Variants in PRDM1 observed in about 807,000 individuals in gnomAD.
PRDM1 encodes PR/SET domain 1, also known as PR domain zinc finger protein 1.
Under a neutral mutation model 62.8 loss-of-function variants are expected in PRDM1, and 13 were observed. That is an observed-to-expected ratio of 0.21 (90% CI 0.13 to 0.33). PRDM1 has a LOEUF of 0.33. PRDM1 is among the 10% of genes least tolerant of loss of function. The probability of loss-of-function intolerance (pLI) is 1.00; values close to 1 mark genes in which losing one functional copy is unlikely to be tolerated. For synonymous variants in PRDM1, 396 were observed against 417.6 expected (o/e 0.95, Z 0.63); for missense variants, 895 against 1,058.8 (o/e 0.85, Z 2.15).
upstream of PRDM1, chr6:106,045,565 G>A (rs973684708): frequency 3.3e-5 from 5 of 152,268 alleles, no homozygotes; most frequent in South Asian, 2.1e-4. Context: ...AGAAATCAAC[G>A]TTGTTCTCTT....
In PRDM1 at chr6:106,099,631, T is replaced by C. The variant is rs190921980; in HGVS notation, c.664+79T>C. 3.7e-5 allele frequency: 57 copies of C among 1,547,124 alleles called. No individual in the cohort carries two copies. In the Admixed American group the frequency reaches 7.2e-4, roughly 20 times the overall value. The stretch of plus-strand genomic sequence containing the variant: ...CCCTTTGAACTAATAACATGTTGTT[T>C]AATTATACGGCTTTGTCATGTGTTG... On this transcript the variant is annotated intron_variant, in intron 4 of 6. Transcript: ENST00000369096.
chr6:106,087,980 CTTTTTTTT>C, intron 1 of PRDM1: 1 of 141,120 alleles, frequency 7.1e-6, no homozygotes, highest in East Asian at 1.1e-4. Context: ...TTGCCACATT[CTTTTTTTT>C]TTTTTTTTTT....
At chr6:106,060,841 A>T (rs1773334302) in intron 1 of PRDM1, among the ~76,000 whole-genome samples, 1 of 152,050 alleles carries the variant, frequency 6.6e-6, no homozygotes, top group Non-Finnish European at 1.5e-5. Context: ...AAACAATCAG[A>T]TGATGACAGA....
rs922682831 is a variant in PRDM1, at chr6:106,108,606, C to T, written c.*1120C>T. On this transcript the variant is annotated 3_prime_UTR_variant, in exon 7 of 7. Coordinates refer to ENST00000369096, the MANE Select transcript of PRDM1 (RefSeq NM_001198.4). ...GGATTCGAGGTAGATAGGCTCAGGC[C>T]ACACTTTAAAAACAAACACACAAAC... 3.0e-5 allele frequency: 7 copies of T among 230,290 alleles called. No homozygotes were observed. Among genetic ancestry groups the T allele is most frequent in the African/African-American group, 1.4e-4 (6 of 44,196 alleles). The allele number at this position is 230,290 out of a possible 1,614,324, so 14.3% of individuals were successfully genotyped here.
Position 106,000,084 on chromosome 6 carries a change from C to T in PRDM1, c.-67+6445C>T, listed in dbSNP as rs532521263. On this transcript the variant is annotated intron_variant, in intron 1 of 6. Coordinates refer to the PRDM1 transcript ENST00000652320. ...CAGGATGGTCTCGATCTCCTGAGCTCGTGATCTGCCCGCCTTGGCCTCCCA... is the reference window on the plus strand; with the variant it reads ...CAGGATGGTCTCGATCTCCTGAGCTTGTGATCTGCCCGCCTTGGCCTCCCA... Among the ~76,000 whole-genome samples the T allele has an allele frequency of 3.3e-5, 5 of 152,150 alleles. No individual in the cohort carries two copies. In the South Asian group the frequency reaches 8.3e-4, roughly 25 times the overall value.
intron 4 of PRDM1, among the ~76,000 whole-genome samples, chr6:106,102,727 G>C (rs1377869160): frequency 6.6e-6 from 1 of 152,182 alleles, no homozygotes; most frequent in African/African-American, 2.4e-5. Flanking sequence ...ATAGAACCAA[G>C]GGAGTGTGGA....
At position 106,109,053 on chromosome 6, in the gene PRDM1, T is replaced by C. The variant is rs1467924549; in HGVS notation, c.*1567T>C. 1 of 199,032 alleles carries C rather than the reference T, an allele frequency of 5.0e-6. No individual in the cohort carries two copies. Among genetic ancestry groups the C allele is most frequent in the Non-Finnish European group, 9.7e-6 (1 of 103,250 alleles). 12.3% of individuals were successfully genotyped at this position (199,032 alleles called of 1,614,324 possible). A position where few individuals can be genotyped will look rare whatever the true frequency, so the allele number is the denominator to read the frequency against. On this transcript the variant is annotated 3_prime_UTR_variant, in exon 7 of 7. Transcript: ENST00000369096. Reference sequence around the variant, plus strand: ...TATATATTTATAACCACTTAAATTGTGAGCCAAGCCATGTAAAAGATCTAC... The same window carrying C: ...TATATATTTATAACCACTTAAATTGCGAGCCAAGCCATGTAAAAGATCTAC...
At position 106,106,959 on chromosome 6, in the gene PRDM1, C is replaced by T. The variant is rs1774509719; in HGVS notation, c.1951C>T (p.Arg651Ter). 2 of 1,614,144 alleles carry T rather than the reference C, an allele frequency of 1.2e-6. No individual in the cohort carries two copies. The highest frequency in any genetic ancestry group is 1.7e-6 in the Non-Finnish European group (2 of 1,180,020). The change falls in exon 7 of 7, where the codon CGA (arginine) becomes TGA (stop). Residue 651 changes from arginine (R) to a stop codon, truncating the protein, a stop_gained. Coordinates refer to ENST00000369096, the MANE Select transcript of PRDM1 (RefSeq NM_001198.4). LOFTEE classifies it high-confidence loss of function. The surrounding 1 kb of genome is among the most constrained non-coding windows in gnomAD (Gnocchi z 4.4). ...CACCAGCAATCTCAAGACCCACCTG[C>T]GACTCCATTCTGGAGAGAAACCATA... ...SSTSNLKTHL[R>*]LHSGEKPYQC...
chr6:106,002,494 T>A (rs1582422128), intron 1 of PRDM1, among the ~76,000 whole-genome samples: 2 of 152,322 alleles, frequency 1.3e-5, no homozygotes, highest in East Asian at 3.9e-4. Flanking sequence ...TATTTTGGAT[T>A]CTTTCGTCCT....
At chr6:106,027,574 G>A (rs1188592082) in intron 1 of PRDM1, among the ~76,000 whole-genome samples, 1 of 151,984 alleles carries the variant, frequency 6.6e-6, no homozygotes, top group Non-Finnish European at 1.5e-5. Context: ...CTCTAGCAGG[G>A]AGAGAAAGAG....
At chr6:106,055,093 G>A (rs1193887787) in intron 1 of PRDM1, among the ~76,000 whole-genome samples, 1 of 152,146 alleles carries the variant, frequency 6.6e-6, no homozygotes, top group African/African-American at 2.4e-5. Flanking sequence ...TTCTCAGTGT[G>A]GCCTGTCCTG....
intron 2 of PRDM1, among the ~76,000 whole-genome samples, chr6:106,090,436 C>G (rs1773933255): frequency 6.6e-6 from 1 of 152,162 alleles, no homozygotes; most frequent in African/African-American, 2.4e-5. Flanking sequence ...TCTTTAAACC[C>G]TAATCATAAA....
intron 1 of PRDM1, among the ~76,000 whole-genome samples, chr6:106,079,060 A>C (rs1192094998): frequency 6.6e-6 from 1 of 151,976 alleles, no homozygotes; most frequent in East Asian, 1.9e-4. Context: ...TCTCGGGTTC[A>C]AGCGATTCTC....
At chr6:106,103,714 G>A (rs905165344) in intron 4 of PRDM1, among the ~76,000 whole-genome samples, 10 of 152,200 alleles carry the variant, frequency 6.6e-5, no homozygotes, top group African/African-American at 2.4e-4. Context: ...CCTCATTGCT[G>A]CTGTTCCTAA....
chr6:106,018,056 A>G (rs1772645487), intron 1 of PRDM1, among the ~76,000 whole-genome samples: 1 of 152,124 alleles, frequency 6.6e-6, no homozygotes, highest in Non-Finnish European at 1.5e-5. Context: ...TTTATATGTG[A>G]CCATGTAACT....
At chr6:106,060,029 G>C (rs1013586741) in intron 1 of PRDM1, among the ~76,000 whole-genome samples, 3 of 152,208 alleles carry the variant, frequency 2.0e-5, no homozygotes, top group African/African-American at 7.2e-5. Context: ...GTAGGAAGCT[G>C]TTTATAGGAA....
chr6:106,058,972 T>C (rs1773306065), intron 1 of PRDM1, among the ~76,000 whole-genome samples: 1 of 152,202 alleles, frequency 6.6e-6, no homozygotes, highest in Non-Finnish European at 1.5e-5. Flanking sequence ...ATTTATAGCA[T>C]TCAGAGTTGC....
intron 1 of PRDM1, among the ~76,000 whole-genome samples, chr6:106,018,641 A>G (rs549114342): frequency 3.5e-4 from 54 of 152,140 alleles, no homozygotes; most frequent in South Asian, 1.5e-3. Context: ...ATGTCCTTCA[A>G]TTGAAATATG....
At chr6:106,081,392 T>C (rs1276067758), upstream of PRDM1, among the ~76,000 whole-genome samples, 1 of 152,226 alleles carries the variant, frequency 6.6e-6, no homozygotes, top group East Asian at 1.9e-4. Context: ...TTTTGCTCCC[T>C]GAGCTGCAGC....
Sources: gnomAD v4.1 joint callset for allele counts (sites outside exome capture counted in the v4.1 genomes callset) on GRCh38, gnomAD v4.1.1 for gene constraint, Gnocchi (gnomAD v3.1) non-coding constraint, MANE v1.5 for transcripts, NCBI Gene and HGNC (gene_info 2026-07-23, HGNC 2026-07-21) for gene names.